Variants in SYNDIG1 observed in about 807,000 individuals in gnomAD.
SYNDIG1 encodes the protein synapse differentiation-inducing gene protein 1.
Under a neutral mutation model 19.4 loss-of-function variants are expected in SYNDIG1, and 9 were observed. The ratio of observed to expected loss-of-function variants is 0.46; its 90% CI spans 0.28 to 0.81. The LOEUF is 0.81. Ranked by LOEUF, SYNDIG1 falls within the 30% of genes least tolerant of loss-of-function variation. SYNDIG1 has a pLI of 0.12. For synonymous variants in SYNDIG1, 141 were observed against 145.9 expected, an observed-to-expected ratio of 0.97 and a Z score of 0.24; for missense variants, 311 against 343.3, an observed-to-expected ratio of 0.91 and a Z score of 0.74.
chr20:24,594,161 G>A (rs1259334594), intron 3 of SYNDIG1, among the ~76,000 whole-genome samples: 1 of 151,942 alleles, frequency 6.6e-6, no homozygotes, highest in Non-Finnish European at 1.5e-5. Flanking sequence ...TTTTATAATT[G>A]TACATTTCAC....
At chr20:24,590,415 CG>C (rs1438375106) in intron 3 of SYNDIG1, among the ~76,000 whole-genome samples, 1 of 152,022 alleles carries the variant, frequency 6.6e-6, no homozygotes, top group Non-Finnish European at 1.5e-5. Flanking sequence ...TAAGAAGCCT[CG>C]GGGGTTTGAG....
At chr20:24,617,625 G>A (rs985736490) in intron 3 of SYNDIG1, among the ~76,000 whole-genome samples, 2 of 152,174 alleles carry the variant, frequency 1.3e-5, no homozygotes, top group Non-Finnish European at 2.9e-5. Flanking sequence ...ACCCAGCAAA[G>A]CCCGGGGGTG....
At chr20:24,588,937 G>T (rs1042942250) in intron 3 of SYNDIG1, among the ~76,000 whole-genome samples, 1 of 130,220 alleles carries the variant, frequency 7.7e-6, no homozygotes, top group Admixed American at 8.9e-5. Flanking sequence ...TCTGGGGGAG[G>T]CATCTGGCTT....
chr20:24,599,267 T>A (rs1034680812), intron 3 of SYNDIG1, among the ~76,000 whole-genome samples: 1 of 151,990 alleles, frequency 6.6e-6, no homozygotes, highest in Non-Finnish European at 1.5e-5. Context: ...AAAATGCAAA[T>A]CAAAATCACA....
At chr20:24,608,624 TA>T (rs1369514266) in intron 3 of SYNDIG1, among the ~76,000 whole-genome samples, 7 of 152,190 alleles carry the variant, frequency 4.6e-5, no homozygotes, top group African/African-American at 1.7e-4. Flanking sequence ...ATACACAGGA[TA>T]TTATGTACGC....
At chr20:24,533,962 C>T (rs971968956) in intron 1 of SYNDIG1, among the ~76,000 whole-genome samples, 14 of 152,118 alleles carry the variant, frequency 9.2e-5, no homozygotes, top group Non-Finnish European at 1.9e-4. Context: ...TGTACAGGCA[C>T]GGCACTGGCA....
At chr20:24,514,596 C>G (rs1315643433) in intron 1 of SYNDIG1, among the ~76,000 whole-genome samples, 2 of 152,078 alleles carry the variant, frequency 1.3e-5, no homozygotes, top group Admixed American at 1.3e-4. Flanking sequence ...ATATATGCAC[C>G]CAATACAGGA....
At chr20:24,591,932 G>A (rs1364307305) in intron 3 of SYNDIG1, among the ~76,000 whole-genome samples, 5 of 152,124 alleles carry the variant, frequency 3.3e-5, no homozygotes, top group African/African-American at 9.7e-5. Flanking sequence ...TACCCACATA[G>A]GGAAGAACTA....
At chr20:24,610,945 T>C (rs1320398711) in intron 3 of SYNDIG1, among the ~76,000 whole-genome samples, 1 of 152,202 alleles carries the variant, frequency 6.6e-6, no homozygotes. Context: ...TGAGTTGAAC[T>C]GGCATCTTAT....
chr20:24,579,564 C>T (rs1175279533), intron 2 of SYNDIG1, among the ~76,000 whole-genome samples: 2 of 152,192 alleles, frequency 1.3e-5, no homozygotes, highest in African/African-American at 2.4e-5. Flanking sequence ...GTGGTGGAAA[C>T]GTTCTGCATC....
intron 1 of SYNDIG1, among the ~76,000 whole-genome samples, chr20:24,492,934 T>C (rs372844264): frequency 6.6e-6 from 1 of 152,214 alleles, no homozygotes; most frequent in African/African-American, 2.4e-5. Flanking sequence ...TTGTGTGAGA[T>C]TGAAGCATTG....
intron 1 of SYNDIG1, among the ~76,000 whole-genome samples, chr20:24,472,311 G>A (rs1467974019): frequency 6.6e-6 from 1 of 152,164 alleles, no homozygotes; most frequent in Non-Finnish European, 1.5e-5. Context: ...GCGTGAACAC[G>A]ATTCTGGTTG....
chr20:24,604,098 C>T (rs77134732), intron 3 of SYNDIG1, among the ~76,000 whole-genome samples: 1 of 151,378 alleles, frequency 6.6e-6, no homozygotes, highest in African/African-American at 2.4e-5. Context: ...AGACAGACTT[C>T]TTTTGAAATT....
intron 3 of SYNDIG1, among the ~76,000 whole-genome samples, chr20:24,585,941 G>T (rs1600688287): frequency 1.3e-5 from 2 of 152,212 alleles, no homozygotes; most frequent in East Asian, 3.9e-4. Context: ...AACTGAGCCT[G>T]GCAGGTCCTT....
At chr20:24,616,390 G>A (rs981874461) in intron 3 of SYNDIG1, among the ~76,000 whole-genome samples, 10 of 152,156 alleles carry the variant, frequency 6.6e-5, no homozygotes, top group Non-Finnish European at 1.0e-4. Context: ...AGGGGCTCGC[G>A]CCCCTCCTCC....
intron 2 of SYNDIG1, among the ~76,000 whole-genome samples, chr20:24,546,551 A>G (rs6049777): frequency 0.17 from 25,411 of 152,164 alleles, 3,193 homozygotes; most frequent in African/African-American, 0.35. Flanking sequence ...GCTGTCACCC[A>G]TCCTGTCCCA....
intron 1 of SYNDIG1, among the ~76,000 whole-genome samples, chr20:24,535,718 C>T (rs754742198): frequency 9.9e-5 from 15 of 152,150 alleles, no homozygotes; most frequent in Non-Finnish European, 1.6e-4. Context: ...TGAGTCTGGA[C>T]GGGCAGTTGC....
At chr20:24,540,912 GACTTA>G (rs1328945875) in intron 1 of SYNDIG1, among the ~76,000 whole-genome samples, 1 of 152,186 alleles carries the variant, frequency 6.6e-6, no homozygotes, top group Non-Finnish European at 1.5e-5. Context: ...CTCATGGAAT[GACTTA>G]GGAAGTGCTC....
chr20:24,662,827 C>A (rs1194289293), intron 3 of SYNDIG1, among the ~76,000 whole-genome samples: 1 of 152,246 alleles, frequency 6.6e-6, no homozygotes, highest in Non-Finnish European at 1.5e-5. Flanking sequence ...CAAGAAATAA[C>A]AATCTTGACA....
Sources: gnomAD v4.1 joint callset for allele counts (sites outside exome capture counted in the v4.1 genomes callset) on GRCh38, gnomAD v4.1.1 for gene constraint, MANE v1.5 for transcripts, NCBI Gene and HGNC (gene_info 2026-07-23, HGNC 2026-07-21) for gene names.